The following PTPRJ variants were observed in gnomAD, a reference collection of about 807,000 sequenced individuals.
PTPRJ encodes receptor-type tyrosine-protein phosphatase eta.
In PTPRJ, 129 loss-of-function variants were observed where a neutral mutation model predicts 141.3. The observed-to-expected ratio is 0.91, with a 90% CI of 0.79 to 1.06. PTPRJ has a LOEUF of 1.06. Among genes scored for constraint, PTPRJ ranks in the 50% least tolerant of loss-of-function variants. The probability of loss-of-function intolerance (pLI) is 0.00; values close to 1 mark genes in which losing one functional copy is unlikely to be tolerated. For missense variants in PTPRJ, 1,601 were observed against 1,679.7 expected (o/e 0.95, Z 0.82); for synonymous variants, 610 against 640.5 (o/e 0.95, Z 0.72).
At chr11:48,145,576 T>TC (rs11377663) in intron 14 of PTPRJ, among the ~76,000 whole-genome samples, 4 of 144,812 alleles carry the variant, frequency 2.8e-5, no homozygotes, top group Admixed American at 2.1e-4. Flanking sequence ...TTTTTTTTTT[T>TC]CAGACAGAGT....
intron 1 of PTPRJ, among the ~76,000 whole-genome samples, chr11:48,095,740 C>A (rs1212593100): frequency 1.3e-5 from 2 of 152,060 alleles, no homozygotes; most frequent in Non-Finnish European, 2.9e-5. Context: ...GCCACCACAC[C>A]CAGCTAATTT....
chr11:48,115,718 A>C (rs1445081019), intron 3 of PTPRJ, among the ~76,000 whole-genome samples: 2 of 152,212 alleles, frequency 1.3e-5, no homozygotes, highest in African/African-American at 2.4e-5. Flanking sequence ...AAAAAATAAT[A>C]ACTACAATAA....
At chr11:47,983,183 C>CT (rs1295521931) in intron 1 of PTPRJ, among the ~76,000 whole-genome samples, 1 of 151,494 alleles carries the variant, frequency 6.6e-6, no homozygotes, top group East Asian at 1.9e-4. Context: ...TTTCAAAGTG[C>CT]TATTTTTTTT....
At chr11:48,060,325 T>C (rs1185066220) in intron 1 of PTPRJ, among the ~76,000 whole-genome samples, 1 of 152,176 alleles carries the variant, frequency 6.6e-6, no homozygotes, top group African/African-American at 2.4e-5. Flanking sequence ...CCAGGAAAAC[T>C]CTCTTTTCCA....
At chr11:48,072,941 T>TA (rs979008347) in intron 1 of PTPRJ, among the ~76,000 whole-genome samples, 6 of 152,100 alleles carry the variant, frequency 3.9e-5, no homozygotes, top group Non-Finnish European at 7.4e-5. Flanking sequence ...TCAATTTAAA[T>TA]AAAAAAATAG....
chr11:48,152,130 A>AT (rs1180504815), intron 18 of PTPRJ, among the ~76,000 whole-genome samples: 1 of 152,060 alleles, frequency 6.6e-6, no homozygotes, highest in Non-Finnish European at 1.5e-5. Context: ...CTTTTTAATG[A>AT]TTGCCATTCT....
chr11:48,068,654 G>A (rs928543570), intron 1 of PTPRJ, among the ~76,000 whole-genome samples: 4 of 152,194 alleles, frequency 2.6e-5, no homozygotes, highest in African/African-American at 9.7e-5. Flanking sequence ...TAGGGAGTTT[G>A]CACTGTAGTG....
At chr11:48,138,658 A>G (rs955116941) in intron 10 of PTPRJ, among the ~76,000 whole-genome samples, 1 of 152,244 alleles carries the variant, frequency 6.6e-6, no homozygotes, top group African/African-American at 2.4e-5. Context: ...TGCATCATCA[A>G]TGGATGATGC....
chr11:48,084,731 T>C (rs1238751000), intron 1 of PTPRJ, among the ~76,000 whole-genome samples: 1 of 152,156 alleles, frequency 6.6e-6, no homozygotes, highest in Non-Finnish European at 1.5e-5. Context: ...TTGGAGTACG[T>C]AGTGTGACCT....
chr11:48,017,772 T>C (rs531721754), intron 1 of PTPRJ, among the ~76,000 whole-genome samples: 125 of 152,320 alleles, frequency 8.2e-4, no homozygotes, highest in African/African-American at 2.5e-3. Flanking sequence ...GCAGAGAGCC[T>C]GGTGGGTGAT....
chr11:48,121,769 G>A (rs778663841), intron 4 of PTPRJ, among the ~76,000 whole-genome samples: 8 of 152,118 alleles, frequency 5.3e-5, no homozygotes, highest in African/African-American at 1.9e-4. Flanking sequence ...TGTCAATACC[G>A]AAGCCATCTA....
chr11:48,155,012 A>G (rs1590565150), intron 19 of PTPRJ, among the ~76,000 whole-genome samples: 1 of 152,144 alleles, frequency 6.6e-6, no homozygotes, highest in South Asian at 2.1e-4. Context: ...AGGTAGTACA[A>G]TCAGAGACGG....
intron 1 of PTPRJ, among the ~76,000 whole-genome samples, chr11:47,997,201 C>A (rs1215291929): frequency 6.6e-6 from 1 of 152,244 alleles, no homozygotes; most frequent in Non-Finnish European, 1.5e-5. Context: ...CCCCCTCCCC[C>A]ACAGACAAAA....
intron 1 of PTPRJ, among the ~76,000 whole-genome samples, chr11:48,095,690 C>A (rs1403307521): frequency 6.6e-6 from 1 of 151,504 alleles, no homozygotes; most frequent in East Asian, 1.9e-4. Flanking sequence ...AGTGATTTCT[C>A]CTGCCTCAGC....
chr11:48,093,036 A>G (rs1443952816), intron 1 of PTPRJ, among the ~76,000 whole-genome samples: 2 of 152,210 alleles, frequency 1.3e-5, no homozygotes, highest in Non-Finnish European at 2.9e-5. Flanking sequence ...CTGATGGCCT[A>G]TATTTTCTAT....
chr11:48,165,362 A>G (rs1458004992), intron 24 of PTPRJ, among the ~76,000 whole-genome samples: 1 of 152,222 alleles, frequency 6.6e-6, no homozygotes, highest in Non-Finnish European at 1.5e-5. Flanking sequence ...GAAAAGGAAC[A>G]CTTAATATCT....
chr11:48,039,410 T>A (rs1854215457), intron 1 of PTPRJ, among the ~76,000 whole-genome samples: 1 of 151,718 alleles, frequency 6.6e-6, no homozygotes, highest in South Asian at 2.1e-4. Flanking sequence ...TAAATTTAGG[T>A]CTGTCTTGTT....
In PTPRJ at chr11:48,149,221, T is replaced by C. The variant is rs1325423340; in HGVS notation, c.3000-226T>C. ...TTGGATATGATTTTTTTCATTCTTT[T>C]AGATAGTACAAAAGAAAATAACTTC... On this transcript the variant is annotated intron_variant, in intron 15 of 24. Coordinates refer to ENST00000418331, the MANE Select transcript of PTPRJ (RefSeq NM_002843.4). 3.3e-4 allele frequency among the ~76,000 whole-genome samples: 50 copies of C among 152,224 alleles called. 1 individual carries two copies. Among genetic ancestry groups the C allele is most frequent in the Admixed American group, 3.3e-3 (50 of 15,282 alleles).
At chr11:48,057,199 G>A (rs764369324) in intron 1 of PTPRJ, among the ~76,000 whole-genome samples, 2 of 152,148 alleles carry the variant, frequency 1.3e-5, no homozygotes, top group African/African-American at 2.4e-5. Flanking sequence ...GGCTGTGAGT[G>A]CTTAATAATA....
Sources: gnomAD v4.1 joint callset for allele counts (sites outside exome capture counted in the v4.1 genomes callset) on GRCh38, gnomAD v4.1.1 for gene constraint, MANE v1.5 for transcripts, NCBI Gene and HGNC (gene_info 2026-07-23, HGNC 2026-07-21) for gene names.